MYO1H: variants seen among roughly 807,000 people sequenced by gnomAD.
The protein encoded by MYO1H is unconventional myosin-Ih.
MYO1H carries 118 observed loss-of-function variants against 149.3 expected under a neutral mutation model. The observed-to-expected ratio is 0.79, with a 90% CI of 0.68 to 0.92. The LOEUF (loss-of-function observed/expected upper bound fraction) is 0.92, where lower values mean the gene tolerates loss of function less well. MYO1H is among the 40% of genes least tolerant of loss of function. The probability of loss-of-function intolerance (pLI) is 0.00; values close to 1 mark genes in which losing one functional copy is unlikely to be tolerated. For synonymous variants in MYO1H, 447 were observed against 465.2 expected (o/e 0.96, Z 0.50); for missense variants, 1,212 against 1,280.7 (o/e 0.95, Z 0.82).
At chr12:109,392,266 CTT>C (rs1324596996) in intron 2 of MYO1H, among the ~76,000 whole-genome samples, 3 of 152,250 alleles carry the variant, frequency 2.0e-5, no homozygotes, top group Non-Finnish European at 4.4e-5. Context: ...GACATCCTCT[CTT>C]GCTAGTCTCC....
intron 1 of MYO1H, among the ~76,000 whole-genome samples, chr12:109,349,776 C>T (rs548860782): frequency 3.9e-3 from 586 of 150,886 alleles, no homozygotes; most frequent in Non-Finnish European, 5.6e-3. Context: ...CTGGCTAACA[C>T]GGTGAAACCC....
chr12:109,442,351 G>C, intron 27 of MYO1H, 79 bp downstream of exon 27: 1 of 1,286,352 alleles, frequency 7.8e-7, no homozygotes, highest in Non-Finnish European at 1.1e-6. Flanking sequence ...CTCCATAAAG[G>C]GCGCACTATT....
the MYO1H span, among the ~76,000 whole-genome samples, chr12:109,321,045 G>A: frequency 6.6e-6 from 1 of 150,538 alleles, no homozygotes; most frequent in African/African-American, 2.4e-5. Flanking sequence ...CCAAGATCGT[G>A]CCACTGCACT....
intron 30 of MYO1H, 93 bp downstream of exon 30, chr12:109,444,622 T>C: frequency 1.0e-6 from 1 of 969,386 alleles, no homozygotes; most frequent in Admixed American, 2.0e-5. Flanking sequence ...ATCCCAGCAC[T>C]TTGGGAGGCT....
chr12:109,317,158 A>G, the MYO1H span, among the ~76,000 whole-genome samples: 3 of 152,168 alleles, frequency 2.0e-5, no homozygotes, highest in African/African-American at 7.2e-5. Context: ...TGATTTTGAA[A>G]CTGTCACTTG....
intron 1 of MYO1H, among the ~76,000 whole-genome samples, chr12:109,379,889 C>T (rs1869166534): frequency 6.6e-6 from 1 of 151,880 alleles, no homozygotes; most frequent in African/African-American, 2.4e-5. Context: ...CTCACCACCA[C>T]ACCTAGCTAA....
intron 9 of MYO1H, among the ~76,000 whole-genome samples, 159 bp from the exon 10 acceptor site, chr12:109,407,635 G>C (rs1341944299): frequency 6.7e-6 from 1 of 150,088 alleles, no homozygotes; most frequent in Non-Finnish European, 1.5e-5. Context: ...GAGGCATGGT[G>C]GTGGGCACCT....
the MYO1H span, among the ~76,000 whole-genome samples, chr12:109,341,245 A>AAC: frequency 6.6e-6 from 1 of 150,922 alleles, no homozygotes; most frequent in Non-Finnish European, 1.5e-5. Context: ...AAAAAAAAAA[A>AAC]TCCTTTTCAC....
intron 1 of MYO1H, among the ~76,000 whole-genome samples, chr12:109,374,050 A>G (rs1460279749): frequency 6.6e-6 from 1 of 152,264 alleles, no homozygotes; most frequent in Non-Finnish European, 1.5e-5. Context: ...GAATTAAACT[A>G]CATATACTCT....
chr12:109,339,366 C>T, the MYO1H span, among the ~76,000 whole-genome samples: 1 of 151,920 alleles, frequency 6.6e-6, no homozygotes, highest in African/African-American at 2.4e-5. Context: ...CGAGCCTACT[C>T]CTCAAAAAAA....
In MYO1H at chr12:109,361,649, T is replaced by C. The variant is rs1397153379; in HGVS notation, c.12+13677T>C. ...GGCAAAACCCTGTCTCTATGAAAAT[T>C]TTTTTAAAATTAGCCAGGTGAGGTG... On this transcript the variant is annotated intron_variant, in intron 1 of 31. Coordinates refer to ENST00000310903, the Ensembl canonical transcript of MYO1H. Among the ~76,000 whole-genome samples, 2 of 151,264 alleles carry C rather than the reference T, an allele frequency of 1.3e-5. 1 individual carries two copies. The highest frequency in any genetic ancestry group is 1.3e-4 in the Admixed American group (2 of 15,200).
chr12:109,405,246 T>A (rs1244885952), intron 7 of MYO1H, among the ~76,000 whole-genome samples: 1 of 152,062 alleles, frequency 6.6e-6, no homozygotes, highest in Non-Finnish European at 1.5e-5. Context: ...GATAGATAGA[T>A]AGATAATGTT....
At chr12:109,435,498 A>T (rs2135594232) in intron 21 of MYO1H, among the ~76,000 whole-genome samples, 1 of 152,068 alleles carries the variant, frequency 6.6e-6, no homozygotes, top group East Asian at 1.9e-4. Flanking sequence ...TTTGCTGGGA[A>T]TGGTCAATGA....
At position 109,391,070 on chromosome 12, in the gene MYO1H, CT is replaced by C. The variant is rs530243897; in HGVS notation, c.174+2233del. ...TGTAATAGTTTAGGGAGGTATTTCT[CT>C]TTTTTTGTATCTTCAACTTTTAACT... On this transcript the variant is annotated intron_variant, in intron 2 of 31. Coordinates refer to ENST00000310903, the Ensembl canonical transcript of MYO1H. 1.5e-3 allele frequency among the ~76,000 whole-genome samples: 225 copies of C among 152,234 alleles called. 2 individuals carry two copies. The highest frequency in any genetic ancestry group is 5.2e-3 in the African/African-American group (214 of 41,528).
chr12:109,383,110 C>A (rs1869238845), intron 1 of MYO1H, among the ~76,000 whole-genome samples: 1 of 152,110 alleles, frequency 6.6e-6, no homozygotes, highest in African/African-American at 2.4e-5. Flanking sequence ...GTGGGGCAAC[C>A]CAGTGAAACT....
chr12:109,396,398 A>C (rs1198576250), exon 4 of MYO1H: 5 of 1,610,826 alleles, frequency 3.1e-6, no homozygotes, highest in Non-Finnish European at 4.2e-6. Flanking sequence ...GCTATAGCCG[A>C]CAACGCTTAC....
chr12:109,422,920 T>C (rs115926231), intron 16 of MYO1H, among the ~76,000 whole-genome samples: 6 of 151,662 alleles, frequency 4.0e-5, no homozygotes, highest in African/African-American at 1.5e-4. Context: ...TCAAAAAAAA[T>C]TAAATTAAAA....
chr12:109,424,802 T>C lies in MYO1H; in HGVS notation c.1699T>C (p.Leu567=), dbSNP rs774872041. The stretch of plus-strand genomic sequence containing the variant: ...GAGGGAATGCTTCCTGCTGGCCGAG[T>C]TAGAAAACCGGAGGAGGCCCCCAAC... Residue 567 remains leucine, a synonymous_variant, in exon 17 of 32, where the codon TTA becomes CTA. Coordinates refer to ENST00000310903, the Ensembl canonical transcript of MYO1H. The C allele has an allele frequency of 1.1e-5, 17 of 1,613,722 alleles. No homozygotes were observed. The Admixed American group carries it at 2.8e-4, about 27-fold the overall frequency.
intron 31 of MYO1H, chr12:109,446,259 C>T (rs980236912): frequency 2.0e-6 from 2 of 985,314 alleles, no homozygotes; most frequent in African/African-American, 3.5e-5. Flanking sequence ...CCATGCTGGG[C>T]TGAGGGTCCC....
Sources: gnomAD v4.1 joint callset for allele counts (sites outside exome capture counted in the v4.1 genomes callset) on GRCh38, gnomAD v4.1.1 for gene constraint, MANE v1.5 for transcripts, NCBI Gene and HGNC (gene_info 2026-07-23, HGNC 2026-07-21) for gene names.